Variants in CCDC81 observed in about 807,000 individuals in gnomAD.
The protein encoded by CCDC81 is coiled-coil domain containing 81.
Under a neutral mutation model 83.7 loss-of-function variants are expected in CCDC81, and 79 were observed. The observed-to-expected ratio is 0.94, with a 90% CI of 0.79 to 1.14. CCDC81 has a LOEUF of 1.14. CCDC81 is among the 50% of genes most tolerant of loss of function. CCDC81 has a pLI of 0.00. For synonymous variants in CCDC81, 252 were observed against 278.1 expected (o/e 0.91, Z 0.93); for missense variants, 791 against 778.1 (o/e 1.02, Z -0.20).
At chr11:86,388,319 TC>T (rs1329375192) in intron 3 of CCDC81, among the ~76,000 whole-genome samples, 3 of 151,918 alleles carry the variant, frequency 2.0e-5, no homozygotes, top group African/African-American at 7.3e-5. Context: ...ATAGGCATAA[TC>T]CCTGCCACAG....
At chr11:86,379,290 G>A (rs375612858) in intron 1 of CCDC81, among the ~76,000 whole-genome samples, 18 of 152,106 alleles carry the variant, frequency 1.2e-4, no homozygotes, top group Admixed American at 4.6e-4. Flanking sequence ...TAGAGGTGGG[G>A]TTTCACCATG....
chr11:86,383,998 A>G (rs1000798241), intron 1 of CCDC81, among the ~76,000 whole-genome samples: 2 of 152,232 alleles, frequency 1.3e-5, no homozygotes, highest in Non-Finnish European at 2.9e-5. Context: ...CAAATTTTCA[A>G]TTAAACTCAG....
chr11:86,422,906 T>C lies in CCDC81; in HGVS notation c.*191T>C. Reference sequence around the variant, plus strand: ...TCCTCCCACCCCCAATTATTTCCTATACTAGTTTCTGATGGCAGTGAAGGT... The same window carrying C: ...TCCTCCCACCCCCAATTATTTCCTACACTAGTTTCTGATGGCAGTGAAGGT... On this transcript the variant is annotated 3_prime_UTR_variant, in exon 15 of 15. Transcript: ENST00000445632. 2 of 589,698 alleles carry C rather than the reference T, an allele frequency of 3.4e-6. No individual in the cohort carries two copies. Among genetic ancestry groups the C allele is most frequent in the East Asian group, 6.0e-5 (2 of 33,076 alleles). The allele number at this position is 589,698 out of a possible 1,614,324, so 36.5% of individuals were successfully genotyped here.
In CCDC81 at chr11:86,381,321, G is replaced by A. The variant is rs550722092; in HGVS notation, c.80-4730G>A. Among the ~76,000 whole-genome samples the A allele has an allele frequency of 1.6e-4, 25 of 152,318 alleles. No homozygotes were observed. In the East Asian group the frequency reaches 3.1e-3, roughly 19 times the overall value. On this transcript the variant is annotated intron_variant, in intron 1 of 14. Coordinates refer to ENST00000445632, the MANE Select transcript of CCDC81 (RefSeq NM_001156474.2). ...AGGGCAGGTCATTAAGGACAACAGA[G>A]TACTCTGGCATATTTAAAAATGGTA... is the stretch of plus-strand genomic sequence containing the variant.
Position 86,395,420 on chromosome 11 carries a change from G to A in CCDC81, c.635+7G>A, listed in dbSNP as rs1162811902. 1 of 1,612,816 alleles carries A rather than the reference G, an allele frequency of 6.2e-7. No individual in the cohort carries two copies. The highest frequency in any genetic ancestry group is 8.5e-7 in the Non-Finnish European group (1 of 1,178,898). ...GTGTGCTTGCGTTTCCAAGGTGAGT[G>A]CTTTGCTTCACGGGTTCCTCTAGGC... On this transcript the variant is annotated splice_region_variant and intron_variant, in intron 5 of 14. Transcript: ENST00000445632.
chr11:86,375,318 A>G, intron 1 of CCDC81, 76 bp downstream of exon 1: 2 of 1,298,266 alleles, frequency 1.5e-6, no homozygotes, highest in Non-Finnish European at 2.2e-6. Context: ...GGGGGGACCC[A>G]CTTCCCAATT....
At chr11:86,390,187 C>T (rs187390571) in intron 3 of CCDC81, among the ~76,000 whole-genome samples, 8 of 152,312 alleles carry the variant, frequency 5.3e-5, no homozygotes, top group East Asian at 1.9e-4. Flanking sequence ...AATGCTATGA[C>T]GCCCGGAGGA....
At chr11:86,397,474 CT>C in intron 5 of CCDC81, 146 bp from the exon 6 acceptor site, 1 of 849,430 alleles carries the variant, frequency 1.2e-6, no homozygotes. Flanking sequence ...ATGATATGTA[CT>C]TAGCACATCA....
At chr11:86,379,434 G>C (rs1445430836) in intron 1 of CCDC81, among the ~76,000 whole-genome samples, 1 of 152,070 alleles carries the variant, frequency 6.6e-6, no homozygotes, top group Non-Finnish European at 1.5e-5. Context: ...AGTTGCCTTA[G>C]ATTACAATAT....
chr11:86,397,314 G>C (rs1948422429), intron 5 of CCDC81, among the ~76,000 whole-genome samples: 1 of 152,128 alleles, frequency 6.6e-6, no homozygotes. Context: ...AGTTAAAGAA[G>C]TAGGATATAA....
In CCDC81 at chr11:86,415,139, C is replaced by T. The variant is rs771971670; in HGVS notation, c.1517C>T (p.Ser506Phe). 30 of 1,614,070 alleles carry T rather than the reference C, an allele frequency of 1.9e-5. No individual in the cohort carries two copies. The highest frequency in any genetic ancestry group is 2.0e-5 in the Non-Finnish European group (24 of 1,180,044). The change falls in exon 13 of 15, where the codon TCT (serine) becomes TTT (phenylalanine). Residue 506 changes from serine (S) to phenylalanine (F), a missense_variant. By Grantham distance (155) the Ser-to-Phe change is radical. Coordinates refer to ENST00000445632, the MANE Select transcript of CCDC81 (RefSeq NM_001156474.2). ...SRLPPFEPDS[S>F]EPIFGKNEGE... ...CTGCCCCCCTTTGAGCCAGACTCCT[C>T]TGAGCCCATCTTTGGTAAGAATGAG... is the stretch of plus-strand genomic sequence containing the variant.
intron 5 of CCDC81, among the ~76,000 whole-genome samples, chr11:86,396,768 A>G (rs10898480): frequency 0.14 from 21,335 of 152,182 alleles, 2,256 homozygotes; most frequent in African/African-American, 0.28. Flanking sequence ...CCATTGCACC[A>G]TATTGCCTTA....
At chr11:86,397,802 T>C (rs1948429452) in intron 6 of CCDC81, 60 bp downstream of exon 6, 1 of 1,559,258 alleles carries the variant, frequency 6.4e-7, no homozygotes, top group Non-Finnish European at 8.6e-7. Context: ...CCCAGCCATA[T>C]TGCTTAGCCC....
chr11:86,381,588 G>C (rs1948177397), intron 1 of CCDC81, among the ~76,000 whole-genome samples: 1 of 152,152 alleles, frequency 6.6e-6, no homozygotes, highest in South Asian at 2.1e-4. Flanking sequence ...TGCTGTTTCT[G>C]CATGTGAGTC....
chr11:86,397,612 C>T lies in CCDC81; in HGVS notation c.636-9C>T, dbSNP rs767864085. On this transcript the variant is annotated splice_polypyrimidine_tract_variant and intron_variant, in intron 5 of 14. Transcript: ENST00000445632. Reference sequence around the variant, plus strand: ...AGTGCAGCAGAAAAACATATTGGCTCATTCCTAGGATTGAGCTCAAGGAGA... The same window carrying T: ...AGTGCAGCAGAAAAACATATTGGCTTATTCCTAGGATTGAGCTCAAGGAGA... 1.0e-5 allele frequency: 16 copies of T among 1,607,444 alleles called. No homozygotes were observed. In the Admixed American group the frequency reaches 2.4e-4, roughly 24 times the overall value.
At chr11:86,375,658 C>T (rs1325471904) in intron 1 of CCDC81, among the ~76,000 whole-genome samples, 1 of 151,992 alleles carries the variant, frequency 6.6e-6, no homozygotes, top group South Asian at 2.1e-4. Context: ...GACATCATGC[C>T]GTTGTATTAA....
chr11:86,416,077 G>A (rs1948715864), intron 13 of CCDC81, among the ~76,000 whole-genome samples: 1 of 152,122 alleles, frequency 6.6e-6, no homozygotes, highest in South Asian at 2.1e-4. Flanking sequence ...ATCATTTCAT[G>A]TGCCTATTTG....
chr11:86,397,652 C>T lies in CCDC81; in HGVS notation c.667C>T (p.Pro223Ser). Residue 223 changes from proline (P) to serine (S), a missense_variant, in exon 6 of 15, where the codon CCT becomes TCT. Coordinates refer to ENST00000445632, the MANE Select transcript of CCDC81 (RefSeq NM_001156474.2). ...GCTCAAGGAGATGGAAAACAAACTG[C>T]CTATGGAGACCCTTGTAGAAGAATG... Reference protein sequence around the residue: ...IELKEMENKLPMETLVEECGE... With the variant: ...IELKEMENKLSMETLVEECGE... The T allele has an allele frequency of 6.2e-7, 1 of 1,613,108 alleles. No homozygotes were observed.
At position 86,415,247 on chromosome 11, in the gene CCDC81, AAG is replaced by A; in HGVS notation, c.1626_1627del (p.Lys542AsnfsTer30). On this transcript the variant is annotated frameshift_variant, in exon 13 of 15. Transcript: ENST00000445632. LOFTEE classifies it high-confidence loss of function. ...GAGGCAGCTGCTAACCACAAGAGGA[AAG>A]CCATCCTGCATCAACTAGTGGACCA... is the stretch of plus-strand genomic sequence containing the variant. 6.2e-7 allele frequency: 1 copy of A among 1,614,184 alleles called. No individual in the cohort carries two copies. The highest frequency in any genetic ancestry group is 8.5e-7 in the Non-Finnish European group (1 of 1,180,034).
Sources: allele counts gnomAD v4.1 joint callset (sites outside exome capture counted in the v4.1 genomes callset), GRCh38; gene constraint gnomAD v4.1.1; transcripts MANE v1.5; gene names NCBI Gene and HGNC (gene_info 2026-07-23, HGNC 2026-07-21).